The following RASA3 variants were observed in gnomAD, a reference collection of about 807,000 sequenced individuals.
RASA3 encodes the protein ras GTPase-activating protein 3.
RASA3 carries 73 observed loss-of-function variants against 110.0 expected under a neutral mutation model. The observed-to-expected ratio is 0.66, with a 90% CI of 0.55 to 0.81. The LOEUF is 0.81. Among genes scored for constraint, RASA3 ranks in the 30% least tolerant of loss-of-function variants. RASA3 has a pLI of 0.00. For missense variants in RASA3, 976 were observed against 1,113.2 expected (o/e 0.88, Z 1.75); for synonymous variants, 500 against 451.4 (o/e 1.11, Z -1.37).
intron 2 of RASA3, among the ~76,000 whole-genome samples, chr13:114,069,457 GGGGGGCTGGGAGACTC>G (rs2079517449): frequency 1.9e-5 from 2 of 103,918 alleles, no homozygotes; most frequent in African/African-American, 7.3e-5. Flanking sequence ...CGGGAGACTT[GGGGGGCTGGGAGACTC>G]GGGGGCCGGG....
At chr13:114,045,372 G>C (rs1402629438) in intron 3 of RASA3, among the ~76,000 whole-genome samples, 1 of 152,196 alleles carries the variant, frequency 6.6e-6, no homozygotes, top group East Asian at 1.9e-4. Context: ...TGCTGCATCT[G>C]TGCTGGCCAG....
At chr13:114,089,680 G>A (rs367586469) in intron 1 of RASA3, among the ~76,000 whole-genome samples, 107 of 152,308 alleles carry the variant, frequency 7.0e-4, no homozygotes, top group Non-Finnish European at 1.1e-3. Flanking sequence ...ACGTGTGTGG[G>A]TGTCTTGATT....
intron 2 of RASA3, among the ~76,000 whole-genome samples, chr13:114,069,732 G>A (rs191674408): frequency 3.1e-3 from 2 of 644 alleles, no homozygotes; most frequent in Non-Finnish European, 6.2e-3. Flanking sequence ...GGGCTGGGAG[G>A]CTCGGGGGCT....
rs1177402053 is a variant in RASA3 at position 114,013,864 on chromosome 13, CTGTCTCTCTCCCTA to C, written c.1406-630_1406-617del. On this transcript the variant is annotated intron_variant, in intron 14 of 23. Transcript: ENST00000334062. ...TCTCTCCATCTCTCTGTCTCTCTCC[CTGTCTCTCTCCCTA>C]TCTCTGTCTCTCTCTTTTTCTCTCT... Among the ~76,000 whole-genome samples, 20 of 6,308 alleles carry C rather than the reference CTGTCTCTCTCCCTA, an allele frequency of 3.2e-3. 1 individual carries two copies. The highest frequency in any genetic ancestry group is 7.7e-3 in the East Asian group (1 of 130). The allele number at this position is 6,308 out of a possible 152,430, so 4.1% of individuals were successfully genotyped here.
chr13:114,073,113 C>T (rs2079601922), intron 2 of RASA3, among the ~76,000 whole-genome samples: 1 of 151,430 alleles, frequency 6.6e-6, no homozygotes, highest in African/African-American at 2.4e-5. Flanking sequence ...AGGACATTCT[C>T]TACACATGGG....
At chr13:114,058,482 C>G (rs1470788400) in intron 2 of RASA3, among the ~76,000 whole-genome samples, 1 of 152,276 alleles carries the variant, frequency 6.6e-6, no homozygotes, top group Non-Finnish European at 1.5e-5. Flanking sequence ...GAGACCATTT[C>G]CTGTTTTGCA....
intron 1 of RASA3, among the ~76,000 whole-genome samples, chr13:114,080,955 G>A: frequency 7.2e-6 from 1 of 138,740 alleles, no homozygotes; most frequent in East Asian, 2.2e-4. Context: ...CCTCGGCAGA[G>A]GGCCGTCCAC....
intron 1 of RASA3, among the ~76,000 whole-genome samples, chr13:114,104,177 T>C (rs150727477): frequency 0.056 from 121 of 2,144 alleles, 18 homozygotes; most frequent in South Asian, 0.15. Context: ...CACACTGCCC[T>C]GGCCACAGAC....
At chr13:114,050,766 C>T (rs1045848088) in intron 3 of RASA3, among the ~76,000 whole-genome samples, 4 of 152,266 alleles carry the variant, frequency 2.6e-5, no homozygotes, top group African/African-American at 9.6e-5. Context: ...TCTCTCTCAA[C>T]GTCGTGCTGA....
chr13:114,103,193 C>T (rs1410477742), intron 1 of RASA3, among the ~76,000 whole-genome samples: 2 of 152,148 alleles, frequency 1.3e-5, no homozygotes, highest in Non-Finnish European at 2.9e-5. Context: ...AGGGTCTCCC[C>T]CAAGTCCACC....
chr13:114,099,611 G>GC (rs1472186084), intron 1 of RASA3, among the ~76,000 whole-genome samples: 1 of 114,656 alleles, frequency 8.7e-6, no homozygotes, highest in Non-Finnish European at 1.9e-5. Context: ...CTGAGATGCA[G>GC]CCCCCACAGC....
rs1432182581 is a variant in RASA3 at position 114,065,278 on chromosome 13, C to G, written c.173+8442G>C. On this transcript the variant is annotated intron_variant, in intron 2 of 23. Coordinates refer to ENST00000334062, the MANE Select transcript of RASA3 (RefSeq NM_007368.4). This position sits in a 1 kb window ranked among gnomAD's most constrained non-coding sequence, Gnocchi z 4.1. ...CCTGCGGCTGCTCCCATCACGTGAT[C>G]ATAAGAAAATAAACCTGGTTTCCCA... Among the ~76,000 whole-genome samples, 1 of 152,244 alleles carries G rather than the reference C, an allele frequency of 6.6e-6. No homozygotes were observed. Among genetic ancestry groups the G allele is most frequent in the African/African-American group, 2.4e-5 (1 of 41,466 alleles).
chr13:114,099,402 G>A (rs1594452177), intron 1 of RASA3, among the ~76,000 whole-genome samples: 1 of 151,866 alleles, frequency 6.6e-6, no homozygotes, highest in East Asian at 1.9e-4. Flanking sequence ...TTGTGGGTGG[G>A]TGCTGGGTCG....
chr13:114,020,325 T>C (rs903090746), intron 9 of RASA3, among the ~76,000 whole-genome samples: 1 of 152,162 alleles, frequency 6.6e-6, no homozygotes, highest in African/African-American at 2.4e-5. Flanking sequence ...TCGCCCCAGG[T>C]AGGTAGAGCC....
At chr13:114,027,709 A>C in intron 6 of RASA3, 138 bp downstream of exon 6, 1 of 967,288 alleles carries the variant, frequency 1.0e-6, no homozygotes, top group Non-Finnish European at 1.6e-6. Context: ...AAGAAAACAA[A>C]AGGAAGTAAA....
intron 1 of RASA3, among the ~76,000 whole-genome samples, chr13:114,127,798 C>T (rs1391022909): frequency 2.6e-5 from 4 of 152,314 alleles, no homozygotes; most frequent in South Asian, 2.1e-4. Flanking sequence ...GAGAAGAACT[C>T]GGATCCCAGG....
intron 1 of RASA3, among the ~76,000 whole-genome samples, chr13:114,090,747 C>G (rs1411861614): frequency 6.6e-6 from 1 of 152,222 alleles, no homozygotes; most frequent in Admixed American, 6.5e-5. Flanking sequence ...CCCTTGCTTC[C>G]TCTAAATTCA....
At chr13:114,013,479 C>T (rs1179392083) in intron 14 of RASA3, among the ~76,000 whole-genome samples, 2 of 147,694 alleles carry the variant, frequency 1.4e-5, no homozygotes, top group African/African-American at 5.1e-5. Context: ...CTGTCTCTCT[C>T]CGTATCTCTG....
intron 2 of RASA3, among the ~76,000 whole-genome samples, chr13:114,053,702 C>T (rs556867434): frequency 1.3e-4 from 20 of 152,298 alleles, no homozygotes; most frequent in Admixed American, 7.2e-4. Context: ...TGAACCTGCA[C>T]CCTAAAGTCA....
Sources: gnomAD v4.1 joint callset for allele counts (sites outside exome capture counted in the v4.1 genomes callset) on GRCh38, gnomAD v4.1.1 for gene constraint, Gnocchi (gnomAD v3.1) non-coding constraint, MANE v1.5 for transcripts, NCBI Gene and HGNC (gene_info 2026-07-23, HGNC 2026-07-21) for gene names.